The following DHX8 variants were observed in gnomAD, a reference collection of about 807,000 sequenced individuals.
DHX8 encodes the protein DEAH-box helicase 8.
Under a neutral mutation model 140.7 loss-of-function variants are expected in DHX8, and 67 were observed. The observed-to-expected ratio is 0.48, with a 90% CI of 0.39 to 0.58. DHX8 has a LOEUF of 0.58. Ranked by LOEUF, DHX8 falls within the 20% of genes least tolerant of loss-of-function variation. DHX8 has a pLI of 0.00. For missense variants in DHX8, 887 were observed against 1,550.7 expected, an observed-to-expected ratio of 0.57 and a Z score of 7.19; for synonymous variants, 533 against 553.2, an observed-to-expected ratio of 0.96 and a Z score of 0.51.
At chr17:43,494,034 TG>T in intron 8 of DHX8, 148 bp downstream of exon 8, 1 of 759,196 alleles carries the variant, frequency 1.3e-6, no homozygotes, top group Non-Finnish European at 2.1e-6. Flanking sequence ...TACCTGAGAC[TG>T]GGCAATTTAC....
intron 11 of DHX8, among the ~76,000 whole-genome samples, chr17:43,501,685 A>G (rs150373054): frequency 3.3e-5 from 5 of 152,020 alleles, no homozygotes; most frequent in African/African-American, 1.2e-4. Flanking sequence ...AGGTTCCTCC[A>G]TGTTGGTCAG....
In DHX8 at chr17:43,522,167, C is replaced by G. The variant is rs754975019; in HGVS notation, c.3384C>G (p.Ile1128Met). The change falls in exon 22 of 23, where the codon ATC (isoleucine) becomes ATG (methionine). Residue 1128 changes from isoleucine to methionine, a missense_variant. Ile to Met is a conservative substitution (Grantham distance 10). Transcript: ENST00000262415. ...CGCAGGAGGGTTACCGGACACTGATCGACCAGCAGGTGGTCTATATCCATC... is the reference window on the plus strand; with the variant it reads ...CGCAGGAGGGTTACCGGACACTGATGGACCAGCAGGTGGTCTATATCCATC... ...KDPQEGYRTL[I>M]DQQVVYIHPS... 1 of 1,614,032 alleles carries G rather than the reference C, an allele frequency of 6.2e-7. No homozygotes were observed. The highest frequency in any genetic ancestry group is 2.2e-5 in the East Asian group (1 of 44,876).
At chr17:43,493,099 A>C (rs1968635404) in intron 6 of DHX8, 59 bp downstream of exon 6, 1 of 1,563,774 alleles carries the variant, frequency 6.4e-7, no homozygotes. Context: ...TTTATCACTG[A>C]GGATGTTCAC....
chr17:43,506,254 C>T (rs1257245756), intron 12 of DHX8, among the ~76,000 whole-genome samples: 1 of 151,614 alleles, frequency 6.6e-6, no homozygotes, highest in Non-Finnish European at 1.5e-5. Flanking sequence ...AATCCTCCCT[C>T]CTTGGCCTCC....
At chr17:43,495,787 G>T (rs1301813538) in intron 8 of DHX8, among the ~76,000 whole-genome samples, 1 of 152,108 alleles carries the variant, frequency 6.6e-6, no homozygotes, top group Admixed American at 6.5e-5. Context: ...TGAAACCTCT[G>T]TAATTAACTC....
At chr17:43,534,100 C>G (rs1412935672) in intron 2 of DHX8, 2 of 1,158,784 alleles carry the variant, frequency 1.7e-6, no homozygotes, top group Non-Finnish European at 2.3e-6. Flanking sequence ...CAGCCTCCTT[C>G]CCTCTCTGGG....
chr17:43,532,595 T>G (rs1040460384), intron 2 of DHX8: 1 of 1,335,182 alleles, frequency 7.5e-7, no homozygotes, highest in Non-Finnish European at 1.0e-6. Flanking sequence ...TAAACAGCAA[T>G]GTAAAAAAAC....
At chr17:43,534,135 G>A (rs780742683) in intron 2 of DHX8, 5 of 794,554 alleles carry the variant, frequency 6.3e-6, no homozygotes, top group Non-Finnish European at 9.0e-6. Context: ...GACCCGCAGT[G>A]AGACAAGAAC....
intron 11 of DHX8, among the ~76,000 whole-genome samples, chr17:43,501,272 G>A (rs181139316): frequency 2.7e-4 from 41 of 152,224 alleles, no homozygotes; most frequent in Non-Finnish European, 4.3e-4. Context: ...ATGGAGGTTG[G>A]GGAGTATGTT....
Position 43,492,256 on chromosome 17 carries a change from C to T in DHX8, c.467C>T (p.Ala156Val), listed in dbSNP as rs1598123175. 1.2e-6 allele frequency: 2 copies of T among 1,614,034 alleles called. No homozygotes were observed. Among genetic ancestry groups the T allele is most frequent in the Non-Finnish European group, 1.7e-6 (2 of 1,179,930 alleles). ...LKELEALMPS[A>V]AGQEKQRDAE... ...GAACTGGAAGCTTTAATGCCCAGCG[C>T]AGCAGGCCAGGAGAAGCAAAGAGAT... Residue 156 changes from alanine (A) to valine (V), a missense_variant, in exon 5 of 23, where the codon GCA (alanine) becomes GTA (valine). Ala to Val is a moderately conservative substitution (Grantham distance 64). Transcript: ENST00000262415.
At chr17:43,515,971 A>G (rs954911744) in intron 17 of DHX8, among the ~76,000 whole-genome samples, 5 of 152,140 alleles carry the variant, frequency 3.3e-5, no homozygotes, top group Admixed American at 1.3e-4. Context: ...TGGCTAAACT[A>G]CATTTTTTTT....
At chr17:43,526,706 C>T, downstream of DHX8, 1 of 1,465,518 alleles carries the variant, frequency 6.8e-7, no homozygotes, top group South Asian at 1.4e-5. Flanking sequence ...TGTACTCGGC[C>T]TTCAGGGTTT....
At chr17:43,543,867 G>A (rs1268275458) in intron 3 of DHX8, 1 of 152,112 alleles carries the variant, frequency 6.6e-6, no homozygotes, top group Non-Finnish European at 1.5e-5. Flanking sequence ...ATATCATAGT[G>A]GGCAAGACAG....
Position 43,506,543 on chromosome 17 carries a change from C to T in DHX8, c.1729-460C>T, listed in dbSNP as rs557578969. Among the ~76,000 whole-genome samples the T allele has an allele frequency of 1.0e-3, 154 of 150,530 alleles. 2 individuals are homozygous for T. Among genetic ancestry groups the T allele is most frequent in the Admixed American group, 3.8e-3 (57 of 15,044 alleles). On this transcript the variant is annotated intron_variant, in intron 12 of 22. Coordinates refer to ENST00000262415, the MANE Select transcript of DHX8 (RefSeq NM_004941.3). ...CTGAGGCAGGAGAATCACTTGAATC[C>T]GGAAGGTGGAGGTTGCAATGAGCTG...
At chr17:43,513,249 A>G in intron 16 of DHX8, 113 bp from the exon 17 acceptor site, 1 of 1,192,036 alleles carries the variant, frequency 8.4e-7, no homozygotes. Context: ...AACCGTCTAG[A>G]GAGAGAGATA....
intron 3 of DHX8, among the ~76,000 whole-genome samples, chr17:43,538,587 G>A (rs1160524875): frequency 1.3e-5 from 2 of 152,172 alleles, no homozygotes; most frequent in African/African-American, 4.8e-5. Context: ...CTGATTTCTA[G>A]TTCTTATTCT....
At chr17:43,532,733 C>T in intron 2 of DHX8, 1 of 1,614,076 alleles carries the variant, frequency 6.2e-7, no homozygotes. Context: ...CCCTGGGTAC[C>T]TGTGCCCATT....
chr17:43,520,966 T>TTA, intron 20 of DHX8, 87 bp downstream of exon 20: 5 of 528,566 alleles, frequency 9.5e-6, no homozygotes, highest in Non-Finnish European at 1.3e-5. Flanking sequence ...GATGTGGACT[T>TTA]TTTTTTTTTT....
At chr17:43,516,594 G>A (rs190563418) in intron 17 of DHX8, among the ~76,000 whole-genome samples, 4 of 152,160 alleles carry the variant, frequency 2.6e-5, no homozygotes, top group South Asian at 4.1e-4. Context: ...GACTACAGGC[G>A]TGAGCCACCA....
Sources: allele counts gnomAD v4.1 joint callset (sites outside exome capture counted in the v4.1 genomes callset), GRCh38; gene constraint gnomAD v4.1.1; transcripts MANE v1.5; gene names NCBI Gene and HGNC (gene_info 2026-07-23, HGNC 2026-07-21).